The following PTBP2 variants were observed in gnomAD, a reference collection of about 807,000 sequenced individuals.
PTBP2 encodes the protein polypyrimidine tract-binding protein 2.
A neutral mutation model predicts 61.4 loss-of-function variants in PTBP2; 13 were observed. That is an observed-to-expected ratio of 0.21 (90% CI 0.14 to 0.34). PTBP2 has a LOEUF of 0.34. PTBP2 is among the 10% of genes least tolerant of loss of function. The probability of loss-of-function intolerance (pLI) is 1.00; values close to 1 mark genes in which losing one functional copy is unlikely to be tolerated. For missense variants in PTBP2, 405 were observed against 642.6 expected, an observed-to-expected ratio of 0.63 and a Z score of 4.00; for synonymous variants, 215 against 218.5, an observed-to-expected ratio of 0.98 and a Z score of 0.14.
chr1:96,761,346 A>ATTGTGTGTGTGTGTG (rs375632927), intron 3 of PTBP2, among the ~76,000 whole-genome samples: 1 of 140,480 alleles, frequency 7.1e-6, no homozygotes, highest in Admixed American at 7.1e-5. Flanking sequence ...GTGGGATTTG[A>ATTGTGTGTGTGTGTG]TGTGTGTGTG....
chr1:96,776,460 T>C (rs891626756), intron 5 of PTBP2, among the ~76,000 whole-genome samples: 2 of 152,024 alleles, frequency 1.3e-5, no homozygotes, highest in Non-Finnish European at 2.9e-5. Context: ...AATGATTGTT[T>C]AGATATATAT....
At chr1:96,754,958 T>A (rs903728073) in intron 3 of PTBP2, among the ~76,000 whole-genome samples, 9 of 152,184 alleles carry the variant, frequency 5.9e-5, no homozygotes, top group African/African-American at 2.2e-4. Flanking sequence ...ATGTATTTGA[T>A]ATGACCCTAA....
chr1:96,767,804 C>A (rs1432126448), intron 3 of PTBP2, among the ~76,000 whole-genome samples: 1 of 152,054 alleles, frequency 6.6e-6, no homozygotes, highest in South Asian at 2.1e-4. Context: ...GCCCTGTGCG[C>A]ACACAAATCT....
chr1:96,819,450 C>T (rs1015906172), downstream of PTBP2: 2 of 151,952 alleles, frequency 1.3e-5, no homozygotes, highest in African/African-American at 4.8e-5. Context: ...CTCTCTCAAC[C>T]TTGTTGCTGC....
intron 4 of PTBP2, among the ~76,000 whole-genome samples, chr1:96,770,486 G>A (rs1002319094): frequency 1.3e-5 from 2 of 151,948 alleles, no homozygotes; most frequent in African/African-American, 4.8e-5. Context: ...AAAATCATAG[G>A]TGGAAGGCAG....
chr1:96,817,191 ATTTCAAGGCTAAGGAAGAAAGACATAC>A (rs1320508686), downstream of PTBP2: 4 of 152,132 alleles, frequency 2.6e-5, no homozygotes, highest in Non-Finnish European at 5.9e-5. Flanking sequence ...ACACTCAGGA[ATTTCAAGGCTAAGGAAGAAAGACATAC>A]TCTCATGAGC....
intron 2 of PTBP2, among the ~76,000 whole-genome samples, chr1:96,745,398 G>A (rs1179391516): frequency 2.6e-5 from 4 of 152,048 alleles, no homozygotes; most frequent in African/African-American, 9.7e-5. Flanking sequence ...TCATGACCTC[G>A]TGATCCGTCT....
chr1:96,734,951 C>A (rs1490083364), intron 2 of PTBP2, among the ~76,000 whole-genome samples: 1 of 145,506 alleles, frequency 6.9e-6, no homozygotes, highest in African/African-American at 2.6e-5. Context: ...AGAGTCTTGC[C>A]CTGTTGCCCA....
At chr1:96,806,357 C>T (rs1383603882) in intron 9 of PTBP2, 62 bp from the exon 10 acceptor site, 11 of 1,289,760 alleles carry the variant, frequency 8.5e-6, no homozygotes, top group South Asian at 7.1e-5. Context: ...TGTTCATCTC[C>T]GCTCTTCCTC....
intron 3 of PTBP2, among the ~76,000 whole-genome samples, chr1:96,757,854 T>A (rs1161260439): frequency 6.6e-6 from 1 of 152,104 alleles, no homozygotes; most frequent in Non-Finnish European, 1.5e-5. Flanking sequence ...AAGGACATAT[T>A]TTTGACTGAA....
chr1:96,808,796 AACACACACACACAAAC>A (rs1271014055), intron 11 of PTBP2, among the ~76,000 whole-genome samples: 3 of 149,520 alleles, frequency 2.0e-5, no homozygotes, highest in Admixed American at 6.6e-5. Context: ...TTTCCTTTAA[AACACACACACACAAAC>A]ACACACACAC....
chr1:96,811,129 A>T (rs1450938143), intron 11 of PTBP2, among the ~76,000 whole-genome samples: 1 of 151,974 alleles, frequency 6.6e-6, no homozygotes, highest in Non-Finnish European at 1.5e-5. Context: ...AATAAGAAAA[A>T]TTTAAGGAAG....
intron 8 of PTBP2, among the ~76,000 whole-genome samples, chr1:96,796,501 A>T (rs111936118): frequency 4.6e-5 from 7 of 152,258 alleles, no homozygotes; most frequent in African/African-American, 1.7e-4. Context: ...TAACAAGTTG[A>T]AAGTAGGAAA....
chr1:96,737,633 T>G (rs1652412530), intron 2 of PTBP2, among the ~76,000 whole-genome samples: 1 of 151,976 alleles, frequency 6.6e-6, no homozygotes, highest in South Asian at 2.1e-4. Flanking sequence ...AAACAAGTAA[T>G]GATGAGGAAA....
At chr1:96,773,655 T>C (rs1332547675) in intron 5 of PTBP2, among the ~76,000 whole-genome samples, 5 of 152,086 alleles carry the variant, frequency 3.3e-5, no homozygotes, top group Non-Finnish European at 7.4e-5. Context: ...GAGGCTCTTA[T>C]TCTGGGTCAA....
intron 2 of PTBP2, among the ~76,000 whole-genome samples, chr1:96,745,839 G>T (rs1373154110): frequency 1.3e-5 from 2 of 152,028 alleles, no homozygotes; most frequent in Non-Finnish European, 2.9e-5. Context: ...GGCCAGGGCG[G>T]GCAGATCACA....
At chr1:96,799,416 C>T (rs1007842422) in intron 8 of PTBP2, among the ~76,000 whole-genome samples, 5 of 151,262 alleles carry the variant, frequency 3.3e-5, no homozygotes, top group Non-Finnish European at 5.9e-5. Context: ...CTGCCTCAGC[C>T]TCCCGAGTAG....
chr1:96,767,408 A>G (rs1656856240), intron 3 of PTBP2, among the ~76,000 whole-genome samples: 1 of 152,066 alleles, frequency 6.6e-6, no homozygotes, highest in Non-Finnish European at 1.5e-5. Context: ...CCCAGAAGGA[A>G]AAGGACAGAC....
intron 8 of PTBP2, among the ~76,000 whole-genome samples, chr1:96,796,290 CAAAAAA>C (rs35764825): frequency 8.1e-6 from 1 of 123,124 alleles, no homozygotes; most frequent in Non-Finnish European, 1.7e-5. Flanking sequence ...CCGTCTCCAC[CAAAAAA>C]AAAAAAAAAA....
Sources: allele counts gnomAD v4.1 joint callset (sites outside exome capture counted in the v4.1 genomes callset), GRCh38; gene constraint gnomAD v4.1.1; transcripts MANE v1.5; gene names NCBI Gene and HGNC (gene_info 2026-07-23, HGNC 2026-07-21).